SNX14: variants seen among roughly 807,000 people sequenced by gnomAD.
SNX14 encodes sorting nexin-14.
SNX14 carries 93 observed loss-of-function variants against 133.8 expected under a neutral mutation model. The observed-to-expected ratio is 0.70, with a 90% CI of 0.59 to 0.83. The LOEUF is 0.83. Among genes scored for constraint, SNX14 ranks in the 40% least tolerant of loss-of-function variants. SNX14 has a pLI of 0.00. For missense variants in SNX14, 945 were observed against 1,094.9 expected (o/e 0.86, Z 1.93); for synonymous variants, 368 against 365.6 (o/e 1.01, Z -0.07).
chr6:85,528,212 G>A (rs757350382), intron 20 of SNX14, 50 bp downstream of exon 20: 9 of 1,277,082 alleles, frequency 7.0e-6, no homozygotes. Context: ...AGACAAATTA[G>A]AGAATGCTAT....
At chr6:85,586,275 G>C (rs1446542140) in intron 1 of SNX14, among the ~76,000 whole-genome samples, 1 of 152,052 alleles carries the variant, frequency 6.6e-6, no homozygotes, top group Non-Finnish European at 1.5e-5. Flanking sequence ...ATTTTTAAAG[G>C]GTTTTTTAGA....
intron 26 of SNX14, among the ~76,000 whole-genome samples, chr6:85,511,661 TTTC>T (rs1374554474): frequency 5.3e-5 from 8 of 152,240 alleles, no homozygotes; most frequent in African/African-American, 1.7e-4. Flanking sequence ...GATCATGATT[TTTC>T]TTCTTTAGCC....
chr6:85,585,681 C>G (rs1278043471), intron 1 of SNX14, among the ~76,000 whole-genome samples: 1 of 85,556 alleles, frequency 1.2e-5, no homozygotes, highest in Non-Finnish European at 3.6e-5. Flanking sequence ...CCAATTTGAA[C>G]TATCTATCAG....
chr6:85,544,116 TGAA>T (rs1165718534), intron 12 of SNX14, among the ~76,000 whole-genome samples: 2 of 152,228 alleles, frequency 1.3e-5, no homozygotes, highest in African/African-American at 4.8e-5. Context: ...AAAATAAAAA[TGAA>T]GACTTTTTTT....
chr6:85,590,624 T>C (rs544177400), intron 1 of SNX14, among the ~76,000 whole-genome samples: 1 of 152,322 alleles, frequency 6.6e-6, no homozygotes, highest in South Asian at 2.1e-4. Context: ...CAAACTATCC[T>C]TTGCTGGCAT....
rs573123969 is a variant in SNX14, at chr6:85,582,343, T to C, written c.141-7965A>G. 2.0e-5 allele frequency among the ~76,000 whole-genome samples: 3 copies of C among 152,160 alleles called. No individual in the cohort carries two copies. The South Asian group carries it at 6.2e-4, about 32-fold the overall frequency. ...GGGATTTCATGAACACCAGACCTACTGTACAAGAAATGTTAAAGGTAGTTC... is the reference window on the plus strand; with the variant it reads ...GGGATTTCATGAACACCAGACCTACCGTACAAGAAATGTTAAAGGTAGTTC... On this transcript the variant is annotated intron_variant, in intron 1 of 28. Transcript: ENST00000314673.
In SNX14 at chr6:85,558,012, T is replaced by C; in HGVS notation, c.598A>G (p.Lys200Glu). 1 of 1,595,684 alleles carries C rather than the reference T, an allele frequency of 6.3e-7. No individual in the cohort carries two copies. Among genetic ancestry groups the C allele is most frequent in the Non-Finnish European group, 8.6e-7 (1 of 1,165,850 alleles). The change falls in exon 7 of 29, where the codon AAG becomes GAG. Residue 200 changes from lysine to glutamate, a missense_variant. By Grantham distance (56) the Lys-to-Glu change is moderately conservative. Coordinates refer to ENST00000314673, the MANE Select transcript of SNX14 (RefSeq NM_153816.6). ...ITKKLLKAAM[K>E]HIEVIVKARQ... ...GCTTTAACTATCACTTCTATATGCT[T>C]CATTGCTGCTTTTAATAGTTTCTTG...
chr6:85,517,880 G>C lies in SNX14; in HGVS notation c.2149-5C>G. 1 of 1,592,070 alleles carries C rather than the reference G, an allele frequency of 6.3e-7. No individual in the cohort carries two copies. The highest frequency in any genetic ancestry group is 8.5e-7 in the Non-Finnish European group (1 of 1,174,374). On this transcript the variant is annotated splice_region_variant and splice_polypyrimidine_tract_variant and intron_variant, in intron 22 of 28. Transcript: ENST00000314673. Reference sequence around the variant, plus strand: ...AGGTTCCAAATGCTGACCTTTCTGTGGTGATAGATTATTGTAAGAAAATAA... The same window carrying C: ...AGGTTCCAAATGCTGACCTTTCTGTCGTGATAGATTATTGTAAGAAAATAA...
chr6:85,578,402 CTG>C (rs1263382936), intron 1 of SNX14, among the ~76,000 whole-genome samples: 3 of 151,970 alleles, frequency 2.0e-5, no homozygotes, highest in African/African-American at 7.3e-5. Flanking sequence ...TTCTAGAAGA[CTG>C]GGGAAATTCT....
chr6:85,564,220 C>T lies in SNX14; in HGVS notation c.549+1112G>A, dbSNP rs559257054. Among the ~76,000 whole-genome samples, 9 of 152,212 alleles carry T rather than the reference C, an allele frequency of 5.9e-5. No individual in the cohort carries two copies. The South Asian group carries it at 1.0e-3, about 18-fold the overall frequency. ...AAGTCTTTGCTATTGTGAATAGTGC[C>T]GCAATAAACATATGTGTGCATGTGT... On this transcript the variant is annotated intron_variant, in intron 6 of 28. Coordinates refer to ENST00000314673, the MANE Select transcript of SNX14 (RefSeq NM_153816.6).
At chr6:85,522,045 G>T (rs1368857887) in intron 21 of SNX14, among the ~76,000 whole-genome samples, 2 of 152,150 alleles carry the variant, frequency 1.3e-5, no homozygotes, top group Admixed American at 1.3e-4. Context: ...AAATTTAGTT[G>T]ACTATGAACA....
At chr6:85,585,250 G>C (rs758941865) in intron 1 of SNX14, among the ~76,000 whole-genome samples, 29 of 152,070 alleles carry the variant, frequency 1.9e-4, no homozygotes, top group Non-Finnish European at 4.1e-4. Flanking sequence ...GTGGGGGACT[G>C]GGGGAGGGAT....
rs372937705 is a variant in SNX14 at position 85,531,948 on chromosome 6, A to T, written c.1810+1651T>A. Among the ~76,000 whole-genome samples, 10 of 152,144 alleles carry T rather than the reference A, an allele frequency of 6.6e-5. No individual in the cohort carries two copies. The East Asian group carries it at 1.3e-3, about 20-fold the overall frequency. ...GAGGCTGAAGTGGGAGGATCACTTGAACCCGGGAAGTTGAGGCTGTAGTGA... is the reference window on the plus strand; with the variant it reads ...GAGGCTGAAGTGGGAGGATCACTTGTACCCGGGAAGTTGAGGCTGTAGTGA... On this transcript the variant is annotated intron_variant, in intron 18 of 28. Coordinates refer to ENST00000314673, the MANE Select transcript of SNX14 (RefSeq NM_153816.6).
Position 85,516,178 on chromosome 6 carries a change from T to G in SNX14, c.2269-1549A>C, listed in dbSNP as rs1313790231. 2.0e-5 allele frequency among the ~76,000 whole-genome samples: 3 copies of G among 152,202 alleles called. No individual in the cohort carries two copies. The East Asian group carries it at 5.8e-4, about 29-fold the overall frequency. On this transcript the variant is annotated intron_variant, in intron 23 of 28. Transcript: ENST00000314673. ...TTTTCATAAGCACAATTTCATCTGCTGCAAAACACTCCTTGAATAGATGTT... is the reference window on the plus strand; with the variant it reads ...TTTTCATAAGCACAATTTCATCTGCGGCAAAACACTCCTTGAATAGATGTT...
chr6:85,552,038 T>G (rs1380771507), intron 7 of SNX14, among the ~76,000 whole-genome samples: 1 of 145,402 alleles, frequency 6.9e-6, no homozygotes, highest in Non-Finnish European at 1.5e-5. Flanking sequence ...GAATCTTTTT[T>G]TTTTTTTTTT....
At chr6:85,529,828 A>G (rs1195867645) in intron 19 of SNX14, among the ~76,000 whole-genome samples, 1 of 152,226 alleles carries the variant, frequency 6.6e-6, no homozygotes, top group Non-Finnish European at 1.5e-5. Context: ...ATACAAAAAA[A>G]AATAGCTGGA....
rs761137753 is a variant in SNX14 at position 85,528,381 on chromosome 6, A to G, written c.1895-19T>C. The G allele has an allele frequency of 1.9e-6, 3 of 1,575,496 alleles. No homozygotes were observed. The highest frequency in any genetic ancestry group is 1.7e-5 in the Admixed American group (1 of 58,050). The stretch of plus-strand genomic sequence containing the variant: ...AATGCACCTGAAATTAGTATATATT[A>G]TAGTTATTACTGTGTTCTGCTACTA... On this transcript the variant is annotated intron_variant, in intron 19 of 28. Transcript: ENST00000314673.
At chr6:85,542,191 T>C (rs758153522) in intron 14 of SNX14, 148 bp from the exon 15 acceptor site, 1 of 526,490 alleles carries the variant, frequency 1.9e-6, no homozygotes, top group Non-Finnish European at 3.3e-6. Context: ...AGGGTAAGGA[T>C]GAAAATATTG....
At position 85,534,577 on chromosome 6, in the gene SNX14, T is replaced by G. The variant is rs376787144; in HGVS notation, c.1609-777A>C. On this transcript the variant is annotated intron_variant, in intron 17 of 28. Transcript: ENST00000314673. Reference sequence around the variant, plus strand: ...TCTTTAATCCCAATCAAGAATTTCCTTCTTCCTTGGGTCACTATAAAACAA... The same window carrying G: ...TCTTTAATCCCAATCAAGAATTTCCGTCTTCCTTGGGTCACTATAAAACAA... 6.6e-5 allele frequency among the ~76,000 whole-genome samples: 10 copies of G among 152,324 alleles called. No homozygotes were observed. In the East Asian group the frequency reaches 1.7e-3, roughly 26 times the overall value.
Sources: allele counts gnomAD v4.1 joint callset (sites outside exome capture counted in the v4.1 genomes callset), GRCh38; gene constraint gnomAD v4.1.1; transcripts MANE v1.5; gene names NCBI Gene and HGNC (gene_info 2026-07-23, HGNC 2026-07-21).